The following STXBP5L variants were observed in gnomAD, a reference collection of about 807,000 sequenced individuals.
The protein encoded by STXBP5L is syntaxin binding protein 5L, also known as syntaxin-binding protein 5-like.
STXBP5L carries 65 observed loss-of-function variants against 144.5 expected under a neutral mutation model. That is an observed-to-expected ratio of 0.45 (90% CI 0.37 to 0.55). STXBP5L has a LOEUF of 0.55. STXBP5L is among the 20% of genes least tolerant of loss of function. The probability of loss-of-function intolerance (pLI) is 0.00; values close to 1 mark genes in which losing one functional copy is unlikely to be tolerated. For missense variants in STXBP5L, 1,298 were observed against 1,405.5 expected (o/e 0.92, Z 1.22); for synonymous variants, 505 against 469.6 (o/e 1.08, Z -0.97).
Position 121,378,807 on chromosome 3 carries a change from C to T in STXBP5L, c.2268C>T (p.Arg756=). ...GTGCCGATGTTTCAAAAGTAAATCG[C>T]TGGGGTCCTGGAAGACCACCATTTC... ...LSSADVSKVN[R]WGPGRPPFRK... is the part of the protein sequence containing the mutation. Residue 756 remains arginine (R), a synonymous_variant, in exon 21 of 27, where the codon CGC becomes CGT. Transcript: ENST00000471454. 6.2e-7 allele frequency: 1 copy of T among 1,613,716 alleles called. No homozygotes were observed. Among genetic ancestry groups the T allele is most frequent in the Non-Finnish European group, 8.5e-7 (1 of 1,179,836 alleles).
At chr3:121,204,778 C>T (rs1347042092) in intron 9 of STXBP5L, among the ~76,000 whole-genome samples, 1 of 151,900 alleles carries the variant, frequency 6.6e-6, no homozygotes, top group Non-Finnish European at 1.5e-5. Context: ...GCCAGTTTAA[C>T]CAAAATGAGA....
chr3:121,341,676 A>G (rs1348682539), intron 20 of STXBP5L, among the ~76,000 whole-genome samples: 2 of 152,180 alleles, frequency 1.3e-5, no homozygotes, highest in Admixed American at 6.6e-5. Context: ...ATGGAGTAGT[A>G]TTCAACCACA....
In STXBP5L at chr3:121,081,459, C is replaced by G. The variant is rs560137631; in HGVS notation, c.471-33466C>G. 3.3e-5 allele frequency among the ~76,000 whole-genome samples: 5 copies of G among 152,108 alleles called. No homozygotes were observed. The East Asian group carries it at 9.7e-4, about 29-fold the overall frequency. On this transcript the variant is annotated intron_variant, in intron 5 of 26. Transcript: ENST00000471454. The stretch of plus-strand genomic sequence containing the variant: ...TTCTTGGTGCTTTTACGGGTGAAGA[C>G]TCTGTATGAGTTACTTAGTTATAGT...
intron 7 of STXBP5L, among the ~76,000 whole-genome samples, chr3:121,126,686 A>T (rs968876509): frequency 7.2e-5 from 11 of 152,322 alleles, no homozygotes; most frequent in African/African-American, 2.4e-4. Context: ...CCATTGTCAA[A>T]ATAAATTATC....
chr3:121,057,571 AAT>A (rs988946188), intron 5 of STXBP5L, among the ~76,000 whole-genome samples: 4 of 152,028 alleles, frequency 2.6e-5, no homozygotes, highest in African/African-American at 7.2e-5. Context: ...AAAATGGAAT[AAT>A]ATATATATAG....
intron 5 of STXBP5L, among the ~76,000 whole-genome samples, chr3:121,096,077 GC>G (rs2043110879): frequency 6.6e-6 from 1 of 151,754 alleles, no homozygotes; most frequent in Admixed American, 6.6e-5. Flanking sequence ...CCTTGCTTCG[GC>G]TCTTGCTTGG....
chr3:121,219,947 T>C (rs574061552), intron 10 of STXBP5L, among the ~76,000 whole-genome samples: 3 of 152,330 alleles, frequency 2.0e-5, no homozygotes, highest in South Asian at 2.1e-4. Flanking sequence ...AACAAACTTT[T>C]AATGCTGTTT....
intron 7 of STXBP5L, among the ~76,000 whole-genome samples, chr3:121,144,454 T>C (rs1452472545): frequency 2.0e-5 from 3 of 151,922 alleles, no homozygotes; most frequent in Middle Eastern, 3.2e-3. Flanking sequence ...ATTATGTGTA[T>C]GTATTTTAAA....
chr3:121,098,978 C>G (rs1230471469), intron 5 of STXBP5L: 1 of 152,108 alleles, frequency 6.6e-6, no homozygotes, highest in African/African-American at 2.4e-5. Flanking sequence ...ATTCTGGACT[C>G]CAAATAACCC....
chr3:121,245,617 T>C (rs1003519753), intron 14 of STXBP5L, among the ~76,000 whole-genome samples: 1 of 152,058 alleles, frequency 6.6e-6, no homozygotes, highest in African/African-American at 2.4e-5. Context: ...AGATGTACCA[T>C]GCAAATTGTA....
At position 121,041,170 on chromosome 3, in the gene STXBP5L, G is replaced by A. The variant is rs72968829; in HGVS notation, c.288-530G>A. ...TTACCATTTATTTTCCAGTTTTCTC[G>A]TTTTTTTACCTTATCATGTTTTTCT... On this transcript the variant is annotated intron_variant, in intron 3 of 26. Transcript: ENST00000471454. 2.6e-3 allele frequency among the ~76,000 whole-genome samples: 382 copies of A among 146,420 alleles called. 2 individuals carry two copies. The highest frequency in any genetic ancestry group is 9.0e-3 in the African/African-American group (356 of 39,476).
intron 7 of STXBP5L, among the ~76,000 whole-genome samples, chr3:121,134,009 G>T (rs1191618452): frequency 6.6e-6 from 1 of 152,154 alleles, no homozygotes; most frequent in Admixed American, 6.5e-5. Context: ...TTTGGGTGGG[G>T]ACACAGAGCC....
rs1463551346 is a variant in STXBP5L, at chr3:121,059,272, C to G, written c.470+13737C>G. ...TGTTTTAGTCAGGTTTGTCAAAGAT[C>G]AGATGGTTGTAGATGTGTGGTGTTA... On this transcript the variant is annotated intron_variant, in intron 5 of 26. Coordinates refer to ENST00000471454, the MANE Select transcript of STXBP5L (RefSeq NM_001308330.2). Among the ~76,000 whole-genome samples, 5 of 152,180 alleles carry G rather than the reference C, an allele frequency of 3.3e-5. No homozygotes were observed. In the East Asian group the frequency reaches 9.7e-4, roughly 29 times the overall value.
intron 18 of STXBP5L, among the ~76,000 whole-genome samples, chr3:121,266,748 C>A (rs938200651): frequency 6.6e-6 from 1 of 152,164 alleles, no homozygotes; most frequent in Non-Finnish European, 1.5e-5. Flanking sequence ...AGCCCCAAAT[C>A]TCCTTAAGCT....
At chr3:121,308,488 T>A (rs534615737) in intron 19 of STXBP5L, among the ~76,000 whole-genome samples, 2 of 152,296 alleles carry the variant, frequency 1.3e-5, no homozygotes, top group Admixed American at 1.3e-4. Flanking sequence ...TATGTAATTA[T>A]GAAAGAGTAT....
intron 19 of STXBP5L, among the ~76,000 whole-genome samples, chr3:121,281,353 G>T (rs1434262681): frequency 6.6e-6 from 1 of 151,820 alleles, no homozygotes; most frequent in East Asian, 1.9e-4. Flanking sequence ...ATCACTACCA[G>T]ATTTTGAAAG....
chr3:121,005,537 G>T (rs140853272), intron 3 of STXBP5L, among the ~76,000 whole-genome samples: 1 of 152,000 alleles, frequency 6.6e-6, no homozygotes, highest in Non-Finnish European at 1.5e-5. Context: ...AGGGTTTTTT[G>T]TGTCTCTATT....
intron 5 of STXBP5L, among the ~76,000 whole-genome samples, chr3:121,091,061 G>A (rs565736149): frequency 6.6e-6 from 1 of 150,820 alleles, no homozygotes; most frequent in Non-Finnish European, 1.5e-5. Flanking sequence ...AGTTTACTGA[G>A]AATGATGCTT....
intron 20 of STXBP5L, among the ~76,000 whole-genome samples, chr3:121,361,857 G>A (rs1309687948): frequency 6.6e-6 from 1 of 152,046 alleles, no homozygotes; most frequent in African/African-American, 2.4e-5. Context: ...GCTAGTAGAT[G>A]TTCTTTGGTG....
Sources: allele counts gnomAD v4.1 joint callset (sites outside exome capture counted in the v4.1 genomes callset), GRCh38; gene constraint gnomAD v4.1.1; transcripts MANE v1.5; gene names NCBI Gene and HGNC (gene_info 2026-07-23, HGNC 2026-07-21).